ZNF451: variants seen among roughly 807,000 people sequenced by gnomAD.
ZNF451 encodes the protein zinc finger protein 451.
A neutral mutation model predicts 107.1 loss-of-function variants in ZNF451; 80 were observed. The ratio of observed to expected loss-of-function variants is 0.75; its 90% CI spans 0.62 to 0.90. The LOEUF is 0.90. Among genes scored for constraint, ZNF451 ranks in the 40% least tolerant of loss-of-function variants. The probability of loss-of-function intolerance (pLI) is 0.00; values close to 1 mark genes in which losing one functional copy is unlikely to be tolerated. For synonymous variants in ZNF451, 362 were observed against 406.5 expected, an observed-to-expected ratio of 0.89 and a Z score of 1.32; for missense variants, 1,107 against 1,236.2, an observed-to-expected ratio of 0.90 and a Z score of 1.57.
intron 9 of ZNF451, among the ~76,000 whole-genome samples, chr6:57,143,245 G>A (rs1436546820): frequency 2.0e-5 from 3 of 151,802 alleles, no homozygotes; most frequent in Non-Finnish European, 4.4e-5. Context: ...TTCTTTTATG[G>A]TTATGCTTTC....
chr6:57,104,602 T>A (rs1331115181), intron 3 of ZNF451: 1 of 985,136 alleles, frequency 1.0e-6, no homozygotes, highest in African/African-American at 1.7e-5. Flanking sequence ...TAAATTGTGG[T>A]TAAAAAAAAA....
chr6:57,122,334 A>C (rs1830679106), intron 3 of ZNF451, among the ~76,000 whole-genome samples: 1 of 152,344 alleles, frequency 6.6e-6, no homozygotes, highest in East Asian at 1.9e-4. Flanking sequence ...ATTTATGATG[A>C]AGACCCTAAA....
In ZNF451 at chr6:57,148,446, T is replaced by G; in HGVS notation, c.2361T>G (p.Tyr787Ter). 1 of 1,614,012 alleles carries G rather than the reference T, an allele frequency of 6.2e-7. No homozygotes were observed. The highest frequency in any genetic ancestry group is 8.5e-7 in the Non-Finnish European group (1 of 1,179,954). Residue 787 changes from tyrosine to a stop codon, truncating the protein, a stop_gained, in exon 10 of 15, where the codon TAT becomes TAG. Transcript: ENST00000370706. LOFTEE classifies it high-confidence loss of function. ...AGAGTGATGAGGAGGAGCAGCAGTA[T>G]GTAATCAAGTGTGGCACCTGCACCA... ...KEKSDEEEQQYVIKCGTCTKA... is the reference protein window; with the variant it reads ...KEKSDEEEQQ
At chr6:57,134,368 T>C (rs1831330592) in intron 6 of ZNF451, among the ~76,000 whole-genome samples, 1 of 152,182 alleles carries the variant, frequency 6.6e-6, no homozygotes. Context: ...TAGCATGAGA[T>C]TATTATTGCA....
At chr6:57,114,204 C>CT (rs1320713754) in intron 3 of ZNF451, among the ~76,000 whole-genome samples, 1 of 152,102 alleles carries the variant, frequency 6.6e-6, no homozygotes, top group East Asian at 1.9e-4. Flanking sequence ...ATTGGAAAAA[C>CT]TAAGAATCCT....
chr6:57,106,431 C>T (rs1562593512), intron 3 of ZNF451: 6 of 603,028 alleles, frequency 9.9e-6, no homozygotes, highest in African/African-American at 2.0e-5. Context: ...CTCAGCCTCC[C>T]GAGTAGCTGG....
intron 3 of ZNF451, chr6:57,124,434 G>A (rs1278947093): frequency 2.8e-6 from 2 of 715,884 alleles, no homozygotes; most frequent in African/African-American, 1.7e-5. Context: ...TTTAGGGGTC[G>A]GCGCTTTGCC....
intron 3 of ZNF451, among the ~76,000 whole-genome samples, chr6:57,113,464 T>C (rs920948692): frequency 6.6e-6 from 1 of 152,142 alleles, no homozygotes; most frequent in African/African-American, 2.4e-5. Context: ...GAGTTAATAT[T>C]TGCAAACATT....
intron 3 of ZNF451, chr6:57,102,310 T>C (rs576957844): frequency 2.4e-6 from 3 of 1,250,166 alleles, no homozygotes; most frequent in Admixed American, 3.8e-5. Flanking sequence ...AGTGGAGACT[T>C]TCTTGAAAGG....
intron 2 of ZNF451, among the ~76,000 whole-genome samples, chr6:57,095,357 T>G (rs998515161): frequency 4.4e-4 from 65 of 146,686 alleles, no homozygotes; most frequent in African/African-American, 1.6e-3. Flanking sequence ...TTTAAAGAGA[T>G]AGGGTCTCAG....
At chr6:57,143,120 A>G (rs1057396780) in intron 9 of ZNF451, among the ~76,000 whole-genome samples, 1 of 152,134 alleles carries the variant, frequency 6.6e-6, no homozygotes, top group Non-Finnish European at 1.5e-5. Flanking sequence ...TCTAGAATAT[A>G]CAAATATTTA....
intron 10 of ZNF451, 81 bp from the exon 11 acceptor site, chr6:57,150,638 T>A: frequency 7.1e-7 from 1 of 1,411,474 alleles, no homozygotes; most frequent in Non-Finnish European, 9.6e-7. Flanking sequence ...CATATTAGGC[T>A]TCTAATACTT....
intron 12 of ZNF451, among the ~76,000 whole-genome samples, chr6:57,152,658 GTC>G (rs1832405331): frequency 1.3e-5 from 2 of 152,016 alleles, no homozygotes; most frequent in African/African-American, 4.8e-5. Flanking sequence ...CAGTGGCGCA[GTC>G]TCGGCTCACT....
At chr6:57,109,213 A>T in intron 3 of ZNF451, 1 of 984,904 alleles carries the variant, frequency 1.0e-6, no homozygotes, top group African/African-American at 1.7e-5. Flanking sequence ...GTTTCCATTC[A>T]TTTTCAGCAC....
chr6:57,151,157 C>T (rs768940508), intron 11 of ZNF451: 3 of 209,664 alleles, frequency 1.4e-5, no homozygotes, highest in Non-Finnish European at 2.8e-5. Context: ...GTCAGAAGAT[C>T]GAGACCATCC....
At chr6:57,103,964 G>T (rs1270158901) in intron 3 of ZNF451, 53 of 985,128 alleles carry the variant, frequency 5.4e-5, no homozygotes, top group Non-Finnish European at 6.3e-5. Context: ...TACTTTATCA[G>T]TTAATTTCAG....
chr6:57,102,088 A>G, intron 3 of ZNF451: 1 of 1,504,802 alleles, frequency 6.6e-7, no homozygotes, highest in Non-Finnish European at 8.8e-7. Context: ...CCATGGGTAC[A>G]AGAATTAATA....
chr6:57,105,829 A>G, intron 3 of ZNF451: 14 of 985,312 alleles, frequency 1.4e-5, no homozygotes, highest in Non-Finnish European at 1.7e-5. Context: ...ATTTGCTGAC[A>G]CTTTTATCTT....
intron 7 of ZNF451, among the ~76,000 whole-genome samples, chr6:57,137,342 C>T (rs9475782): frequency 0.12 from 17,823 of 152,078 alleles, 1,276 homozygotes; most frequent in African/African-American, 0.19. Context: ...CCTTGCTCCC[C>T]TCCCCCATTT....
Sources: allele counts gnomAD v4.1 joint callset (sites outside exome capture counted in the v4.1 genomes callset), GRCh38; gene constraint gnomAD v4.1.1; transcripts MANE v1.5; gene names NCBI Gene and HGNC (gene_info 2026-07-23, HGNC 2026-07-21).